The following RBFOX1 variants were observed in gnomAD, a reference collection of about 807,000 sequenced individuals.
The protein encoded by RBFOX1 is RNA binding fox-1 homolog 1.
In RBFOX1, 8 loss-of-function variants were observed where a neutral mutation model predicts 57.7. The ratio of observed to expected loss-of-function variants is 0.14; its 90% confidence interval spans 0.08 to 0.25. The LOEUF (loss-of-function observed/expected upper bound fraction) is 0.25, where lower values mean the gene tolerates loss of function less well. Among genes scored for constraint, RBFOX1 ranks in the 10% least tolerant of loss-of-function variants. RBFOX1 has a pLI of 1.00. For synonymous variants in RBFOX1, 326 were observed against 222.4 expected (o/e 1.47, Z -4.15); for missense variants, 611 against 548.5 (o/e 1.11, Z -1.14).
intron 2 of RBFOX1, among the ~76,000 whole-genome samples, chr16:6,370,652 A>G (rs1391024911): frequency 6.6e-6 from 1 of 152,136 alleles, no homozygotes; most frequent in African/African-American, 2.4e-5. Context: ...ATAGAGACAA[A>G]GTAATATAGT....
At chr16:7,655,382 A>G (rs937444855) in intron 12 of RBFOX1, among the ~76,000 whole-genome samples, 9 of 152,222 alleles carry the variant, frequency 5.9e-5, no homozygotes, top group African/African-American at 1.9e-4. Flanking sequence ...ATGCATACAC[A>G]TATTTTAACT....
At chr16:6,129,410 A>T (rs191720697) in intron 1 of RBFOX1, among the ~76,000 whole-genome samples, 4 of 152,322 alleles carry the variant, frequency 2.6e-5, no homozygotes, top group Admixed American at 2.6e-4. Flanking sequence ...TTAACAGTAG[A>T]TTGAAGACTA....
intron 5 of RBFOX1, among the ~76,000 whole-genome samples, chr16:7,525,709 C>G (rs2078552470): frequency 6.6e-6 from 1 of 152,176 alleles, no homozygotes; most frequent in Non-Finnish European, 1.5e-5. Context: ...TTGAGGTGTG[C>G]TGCCATTGCT....
intron 3 of RBFOX1, among the ~76,000 whole-genome samples, chr16:6,914,689 C>A (rs764285191): frequency 3.7e-4 from 57 of 152,152 alleles, no homozygotes; most frequent in Admixed American, 2.2e-3. Context: ...GCCTGGCCAA[C>A]ATAGCAAGAT....
At chr16:6,098,532 A>C (rs1296162716) in intron 1 of RBFOX1, among the ~76,000 whole-genome samples, 1 of 152,234 alleles carries the variant, frequency 6.6e-6, no homozygotes, top group Non-Finnish European at 1.5e-5. Flanking sequence ...GAATAATTCT[A>C]AGTCAAGAGC....
chr16:6,154,649 C>T (rs1300038170), intron 1 of RBFOX1, among the ~76,000 whole-genome samples: 8 of 152,096 alleles, frequency 5.3e-5, no homozygotes, highest in Admixed American at 5.2e-4. Context: ...GAATCAGAAG[C>T]AGGGAAACTA....
At chr16:5,718,224 C>G (rs2051791503) in intron 3 of RBFOX1, among the ~76,000 whole-genome samples, 1 of 152,174 alleles carries the variant, frequency 6.6e-6, no homozygotes, top group Non-Finnish European at 1.5e-5. Context: ...TCTTAATAGA[C>G]AGAGAACAAA....
intron 4 of RBFOX1, among the ~76,000 whole-genome samples, chr16:7,499,364 G>A (rs553642372): frequency 1.1e-4 from 17 of 152,230 alleles, no homozygotes; most frequent in Admixed American, 2.0e-4. Context: ...CACCCTGCTC[G>A]CTACTCAGGC....
chr16:6,854,869 C>G (rs1240430432), intron 3 of RBFOX1, among the ~76,000 whole-genome samples: 3 of 152,026 alleles, frequency 2.0e-5, no homozygotes, highest in Non-Finnish European at 4.4e-5. Flanking sequence ...GCTGGGATTA[C>G]AGGCGTGAGC....
rs571418384 is a variant in RBFOX1, at chr16:7,395,975, C to A, written c.28-122172C>A. 2.5e-4 allele frequency among the ~76,000 whole-genome samples: 38 copies of A among 152,196 alleles called. 1 individual carries two copies. The South Asian group carries it at 7.7e-3, about 31-fold the overall frequency. ...AATTAAGATAATTATGTGTTGGGAGCATCTATCGGCAGGGCTTGGCAAGGA... is the reference window on the plus strand; with the variant it reads ...AATTAAGATAATTATGTGTTGGGAGAATCTATCGGCAGGGCTTGGCAAGGA... On this transcript the variant is annotated intron_variant, in intron 4 of 15. Coordinates refer to ENST00000550418, the MANE Select transcript of RBFOX1 (RefSeq NM_018723.4).
intron 4 of RBFOX1, among the ~76,000 whole-genome samples, chr16:7,098,223 G>A (rs1158580125): frequency 6.6e-6 from 1 of 152,198 alleles, no homozygotes; most frequent in African/African-American, 2.4e-5. Context: ...AAGCTAGAGT[G>A]CAGTGGCACG....
intron 2 of RBFOX1, among the ~76,000 whole-genome samples, chr16:6,531,355 G>A (rs2096655587): frequency 6.6e-6 from 1 of 152,126 alleles, no homozygotes; most frequent in African/African-American, 2.4e-5. Context: ...GGCTTTGTGG[G>A]TGAGCTGAGG....
At chr16:7,225,907 T>TAAATAAATAA (rs761790895) in intron 4 of RBFOX1, among the ~76,000 whole-genome samples, 27 of 131,194 alleles carry the variant, frequency 2.1e-4, no homozygotes, top group African/African-American at 7.2e-4. Context: ...GTATAATAAA[T>TAAATAAATAA]ATATATATAT....
At chr16:7,000,198 T>C (rs1241731798) in intron 3 of RBFOX1, among the ~76,000 whole-genome samples, 2 of 152,188 alleles carry the variant, frequency 1.3e-5, no homozygotes, top group Non-Finnish European at 2.9e-5. Flanking sequence ...TTAGCGTTAT[T>C]ATGCCTTGAA....
At chr16:5,321,283 G>T (rs371947239) in intron 1 of RBFOX1, among the ~76,000 whole-genome samples, 2 of 151,810 alleles carry the variant, frequency 1.3e-5, no homozygotes, top group African/African-American at 4.8e-5. Flanking sequence ...GACACTGGAT[G>T]ATCATTACTG....
chr16:6,842,665 T>TTA (rs58207098), intron 3 of RBFOX1, among the ~76,000 whole-genome samples: 2 of 149,844 alleles, frequency 1.3e-5, no homozygotes, highest in East Asian at 3.9e-4. Flanking sequence ...TTTTTTTTTT[T>TTA]AATTTTACTT....
At chr16:6,589,940 G>T (rs796524646) in intron 2 of RBFOX1, among the ~76,000 whole-genome samples, 8 of 152,178 alleles carry the variant, frequency 5.3e-5, no homozygotes, top group African/African-American at 1.9e-4. Context: ...TACATCATGA[G>T]CTTGAAGAAA....
intron 2 of RBFOX1, among the ~76,000 whole-genome samples, chr16:6,468,672 G>A (rs1017482869): frequency 2.0e-5 from 3 of 152,030 alleles, no homozygotes; most frequent in African/African-American, 7.2e-5. Flanking sequence ...GTGTGAGTTA[G>A]AACATTGAAA....
intron 3 of RBFOX1, among the ~76,000 whole-genome samples, chr16:5,865,934 G>A (rs1244951570): frequency 6.6e-6 from 1 of 151,914 alleles, no homozygotes; most frequent in Admixed American, 6.6e-5. Flanking sequence ...GGGAGAGAGA[G>A]AAAGAAAGTA....
Sources: gnomAD v4.1 joint callset for allele counts (sites outside exome capture counted in the v4.1 genomes callset) on GRCh38, gnomAD v4.1.1 for gene constraint, MANE v1.5 for transcripts, NCBI Gene and HGNC (gene_info 2026-07-23, HGNC 2026-07-21) for gene names.